The following C2orf69 variants were observed in gnomAD, a reference collection of about 807,000 sequenced individuals.
C2orf69 encodes the protein mitochondrial protein C2orf69.
A neutral mutation model predicts 29.5 loss-of-function variants in C2orf69; 19 were observed. The observed-to-expected ratio is 0.65, with a 90% CI of 0.45 to 0.95. The LOEUF is 0.95. Among genes scored for constraint, C2orf69 ranks in the 40% least tolerant of loss-of-function variants. The pLI, the probability that C2orf69 is intolerant of heterozygous loss-of-function variation, is 0.00. For missense variants in C2orf69, 416 were observed against 482.1 expected, an observed-to-expected ratio of 0.86 and a Z score of 1.28; for synonymous variants, 194 against 180.0, an observed-to-expected ratio of 1.08 and a Z score of -0.62.
intron 1 of C2orf69, among the ~76,000 whole-genome samples, chr2:199,915,183 C>G (rs1164492493): frequency 6.6e-6 from 1 of 152,182 alleles, no homozygotes; most frequent in Non-Finnish European, 1.5e-5. Context: ...TCTTTTGAGC[C>G]TAATATCTAT....
chr2:199,916,842 A>G (rs1030015128), intron 1 of C2orf69, among the ~76,000 whole-genome samples: 3 of 152,192 alleles, frequency 2.0e-5, no homozygotes, highest in African/African-American at 7.2e-5. Flanking sequence ...TTTTCCAGGC[A>G]CACGGTGCAA....
At chr2:199,923,608 A>G (rs1047013309) in intron 1 of C2orf69, among the ~76,000 whole-genome samples, 9 of 152,220 alleles carry the variant, frequency 5.9e-5, no homozygotes, top group Non-Finnish European at 1.0e-4. Flanking sequence ...TACTATAAGT[A>G]CGAAATACAC....
At position 199,924,312 on chromosome 2, in the gene C2orf69, A is replaced by AG. The variant is rs1396327546; in HGVS notation, c.334-747dup. On this transcript the variant is annotated intron_variant, in intron 1 of 1. Coordinates refer to ENST00000319974, the MANE Select transcript of C2orf69 (RefSeq NM_153689.6). ...GTCCCAGCTACTCCGGAGGCTGAGGAGGGAGGATTGCTTGAGCCTGATAGG... is the reference window on the plus strand; with the variant it reads ...GTCCCAGCTACTCCGGAGGCTGAGGAGGGGAGGATTGCTTGAGCCTGATAGG... Among the ~76,000 whole-genome samples, 4 of 152,226 alleles carry AG rather than the reference A, an allele frequency of 2.6e-5. No homozygotes were observed. In the East Asian group the frequency reaches 7.7e-4, roughly 29 times the overall value.
chr2:199,911,435 A>T lies in C2orf69; in HGVS notation c.-4A>T. The stretch of plus-strand genomic sequence containing the variant: ...CCTCCGAACCGCTCTCGCGGCGGCG[A>T]CCCATGTGGGGGTTCAGGCTCCTGC... On this transcript the variant is annotated 5_prime_UTR_variant, in exon 1 of 2. Transcript: ENST00000319974. The T allele has an allele frequency of 1.3e-6, 2 of 1,515,196 alleles. No individual in the cohort carries two copies. The highest frequency in any genetic ancestry group is 1.8e-6 in the Non-Finnish European group (2 of 1,131,908). 93.9% of individuals were successfully genotyped at this position (1,515,196 alleles called of 1,614,324 possible). A position where few individuals can be genotyped will look rare whatever the true frequency, so the allele number is the denominator to read the frequency against.
rs537753742 is a variant in C2orf69 at position 199,927,081 on chromosome 2, A to C, written c.*1195A>C. 1 of 152,460 alleles carries C rather than the reference A, an allele frequency of 6.6e-6. No individual in the cohort carries two copies. The highest frequency in any genetic ancestry group is 2.4e-5 in the African/African-American group (1 of 41,444). The allele number at this position is 152,460 out of a possible 1,614,324, so 9.4% of individuals were successfully genotyped here. On this transcript the variant is annotated 3_prime_UTR_variant, in exon 2 of 2. Transcript: ENST00000319974. ...ACACAAATGATTTAATTTTGGCTCA[A>C]AAACTGAATTTGCTTAACACTGCTA...
intron 1 of C2orf69, among the ~76,000 whole-genome samples, chr2:199,916,682 A>T (rs1169005871): frequency 6.6e-6 from 1 of 152,254 alleles, no homozygotes; most frequent in East Asian, 1.9e-4. Context: ...CCAATAGGAC[A>T]GTCATTAAAC....
chr2:199,919,592 T>A (rs1014845442), intron 1 of C2orf69, among the ~76,000 whole-genome samples: 2 of 152,166 alleles, frequency 1.3e-5, no homozygotes, highest in Admixed American at 6.5e-5. Flanking sequence ...CTACATCTGG[T>A]GAGGGCCTTC....
intron 1 of C2orf69, among the ~76,000 whole-genome samples, chr2:199,918,920 A>G (rs189902395): frequency 6.6e-6 from 1 of 152,112 alleles, no homozygotes; most frequent in East Asian, 1.9e-4. Flanking sequence ...TTTGAAATTC[A>G]TCCATATTGT....
Position 199,927,860 on chromosome 2 carries a change from T to G in C2orf69, c.*1974T>G, listed in dbSNP as rs2077341791. The G allele has an allele frequency of 6.6e-6, 1 of 152,126 alleles. No individual in the cohort carries two copies. 9.4% of individuals were successfully genotyped at this position (152,126 alleles called of 1,614,324 possible). A position where few individuals can be genotyped will look rare whatever the true frequency, so the allele number is the denominator to read the frequency against. ...TAACTGAAATGGAAAAGTAAGACAT[T>G]TAGCAGAATAATTCATTTAAAAATA... On this transcript the variant is annotated 3_prime_UTR_variant, in exon 2 of 2. Transcript: ENST00000319974.
At position 199,911,401 on chromosome 2, in the gene C2orf69, C is replaced by A; in HGVS notation, c.-38C>A. On this transcript the variant is annotated 5_prime_UTR_variant, in exon 1 of 2. Coordinates refer to ENST00000319974, the MANE Select transcript of C2orf69 (RefSeq NM_153689.6). ...GTCCCTCCCTCAGGAACCCCTCCGC[C>A]ACCCTCCACCTCCGAACCGCTCTCG... 1.4e-6 allele frequency: 2 copies of A among 1,439,570 alleles called. No individual in the cohort carries two copies. Among genetic ancestry groups the A allele is most frequent in the Non-Finnish European group, 1.8e-6 (2 of 1,099,936 alleles). 89.2% of individuals were successfully genotyped at this position (1,439,570 alleles called of 1,614,324 possible).
At chr2:199,920,688 G>T (rs867781146) in intron 1 of C2orf69, among the ~76,000 whole-genome samples, 80 of 152,024 alleles carry the variant, frequency 5.3e-4, no homozygotes, top group Middle Eastern at 3.4e-3. Flanking sequence ...CAGGCGCGGT[G>T]GCTCATGCCT....
At chr2:199,914,871 A>C (rs2077287305) in intron 1 of C2orf69, among the ~76,000 whole-genome samples, 1 of 152,160 alleles carries the variant, frequency 6.6e-6, no homozygotes, top group Non-Finnish European at 1.5e-5. Flanking sequence ...ATCCTGTTTA[A>C]TAATCATAGT....
chr2:199,921,853 T>TA (rs2077317433), intron 1 of C2orf69, among the ~76,000 whole-genome samples: 1 of 151,792 alleles, frequency 6.6e-6, no homozygotes, highest in African/African-American at 2.4e-5. Context: ...TTTTCTATCT[T>TA]ACCTGTACCT....
At chr2:199,921,972 C>A (rs1390082500) in intron 1 of C2orf69, among the ~76,000 whole-genome samples, 2 of 143,338 alleles carry the variant, frequency 1.4e-5, no homozygotes, top group Non-Finnish European at 3.0e-5. Flanking sequence ...AAAAGTAATT[C>A]TTTCACCCCA....
Position 199,925,759 on chromosome 2 carries a change from T to C in C2orf69, c.1031T>C (p.Ile344Thr), listed in dbSNP as rs375153692. 3.7e-6 allele frequency: 6 copies of C among 1,613,774 alleles called. No homozygotes were observed. The African/African-American group carries it at 6.7e-5, about 18-fold the overall frequency. ...GTACGTGATCCAATGAGATCTTGGA[T>C]TGGAAAGGAGCACAAGAAATTTGTT... ...YQVRDPMRSW[I>T]GKEHKKFVQI... The change falls in exon 2 of 2, where the codon ATT becomes ACT. Residue 344 changes from isoleucine to threonine, a missense_variant. Transcript: ENST00000319974. The surrounding 1 kb of genome is among the most constrained non-coding windows in gnomAD (Gnocchi z 4.9).
chr2:199,912,236 TA>T (rs78297316), intron 1 of C2orf69, among the ~76,000 whole-genome samples: 1 of 152,136 alleles, frequency 6.6e-6, no homozygotes, highest in Non-Finnish European at 1.5e-5. Flanking sequence ...CCAGTAACCC[TA>T]AAAAAGAGTG....
chr2:199,924,127 G>A (rs2077327346), intron 1 of C2orf69, among the ~76,000 whole-genome samples: 1 of 152,174 alleles, frequency 6.6e-6, no homozygotes, highest in Non-Finnish European at 1.5e-5. Flanking sequence ...GGCAAAGGAG[G>A]CTGGGTATGG....
chr2:199,921,386 T>G (rs1286334338), intron 1 of C2orf69, among the ~76,000 whole-genome samples: 1 of 152,076 alleles, frequency 6.6e-6, no homozygotes, highest in South Asian at 2.1e-4. Context: ...AACATCATAG[T>G]GGGAAAATTA....
intron 1 of C2orf69, 93 bp from the exon 2 acceptor site, chr2:199,924,969 C>G (rs1368057659): frequency 6.8e-6 from 5 of 735,682 alleles, no homozygotes; most frequent in Non-Finnish European, 9.0e-6. Context: ...ATTGTAACAT[C>G]CCTTCTCCAC....
Sources: gnomAD v4.1 joint callset for allele counts (sites outside exome capture counted in the v4.1 genomes callset) on GRCh38, gnomAD v4.1.1 for gene constraint, Gnocchi (gnomAD v3.1) non-coding constraint, MANE v1.5 for transcripts, NCBI Gene and HGNC (gene_info 2026-07-23, HGNC 2026-07-21) for gene names.